The following GTF2IRD1 variants were observed in gnomAD, a reference collection of about 807,000 sequenced individuals.
The protein encoded by GTF2IRD1 is general transcription factor II-I repeat domain-containing protein 1.
A neutral mutation model predicts 113.2 loss-of-function variants in GTF2IRD1; 26 were observed. The observed-to-expected ratio is 0.23, with a 90% CI of 0.17 to 0.32. The LOEUF (loss-of-function observed/expected upper bound fraction) is 0.32, where lower values mean the gene tolerates loss of function less well. Among genes scored for constraint, GTF2IRD1 ranks in the 10% least tolerant of loss-of-function variants. The pLI is 1.00. For missense variants in GTF2IRD1, 864 were observed against 1,280.8 expected (o/e 0.67, Z 4.97); for synonymous variants, 484 against 529.1 (o/e 0.91, Z 1.17).
chr7:74,599,998 G>A (rs1450358058), intron 25 of GTF2IRD1, among the ~76,000 whole-genome samples: 2 of 152,228 alleles, frequency 1.3e-5, no homozygotes, highest in Non-Finnish European at 2.9e-5. Context: ...TAACAGCCCT[G>A]CCCCTTCGGG....
At chr7:74,468,487 A>G (rs186365577) in intron 1 of GTF2IRD1, among the ~76,000 whole-genome samples, 6 of 151,466 alleles carry the variant, frequency 4.0e-5, no homozygotes, top group African/African-American at 1.5e-4. Context: ...GTGAAACCCC[A>G]TCTCTACTAA....
intron 22 of GTF2IRD1, among the ~76,000 whole-genome samples, chr7:74,561,513 G>T (rs1554359076): frequency 6.6e-6 from 1 of 151,906 alleles, no homozygotes; most frequent in African/African-American, 2.4e-5. Context: ...ACTTTGAGAG[G>T]CAGAGAGGAG....
chr7:74,600,527 G>A (rs1348642590), intron 25 of GTF2IRD1, among the ~76,000 whole-genome samples: 2 of 152,220 alleles, frequency 1.3e-5, no homozygotes, highest in South Asian at 2.1e-4. Flanking sequence ...TGCCCAACAC[G>A]GTGAAACCCC....
intron 1 of GTF2IRD1, among the ~76,000 whole-genome samples, chr7:74,459,544 G>A (rs1015387353): frequency 1.3e-5 from 2 of 152,092 alleles, no homozygotes; most frequent in African/African-American, 4.8e-5. Flanking sequence ...CTTAGGGAGT[G>A]TCTCAGGCGG....
chr7:74,518,343 G>A (rs782154356), intron 5 of GTF2IRD1, 21 bp downstream of exon 5: 10 of 1,557,830 alleles, frequency 6.4e-6, no homozygotes, highest in South Asian at 5.8e-5. Flanking sequence ...TAGCCGGCCC[G>A]GGGCTGGGCT....
chr7:74,460,449 G>A (rs1413860919), intron 1 of GTF2IRD1, among the ~76,000 whole-genome samples: 1 of 150,598 alleles, frequency 6.6e-6, no homozygotes, highest in Non-Finnish European at 1.5e-5. Flanking sequence ...GTCTTGCGAT[G>A]TTGCCCAGGC....
At chr7:74,575,632 G>A (rs1466258644) in intron 22 of GTF2IRD1, among the ~76,000 whole-genome samples, 2 of 152,208 alleles carry the variant, frequency 1.3e-5, no homozygotes, top group Non-Finnish European at 2.9e-5. Flanking sequence ...AGAATGTGCT[G>A]ATATAAGCTG....
intron 22 of GTF2IRD1, among the ~76,000 whole-genome samples, chr7:74,568,957 TTGGATG>T (rs1800516385): frequency 2.0e-5 from 3 of 152,146 alleles, no homozygotes; most frequent in African/African-American, 7.2e-5. Context: ...TGTGGGGCAC[TTGGATG>T]ACGCATCTGT....
chr7:74,519,635 C>T lies in GTF2IRD1; in HGVS notation c.832C>T (p.Pro278Ser). ...GCTCAAGCAGGAAGCACCTTCCTGCCCCCTTGCCCCCAGCGACCTGGGCCT... is the reference window on the plus strand; with the variant it reads ...GCTCAAGCAGGAAGCACCTTCCTGCTCCCTTGCCCCCAGCGACCTGGGCCT... Reference protein sequence around the residue: ...RELKQEAPSCPLAPSDLGLSR... With the variant: ...RELKQEAPSCSLAPSDLGLSR... The change falls in exon 6 of 27, where the codon CCC (proline) becomes TCC (serine). Residue 278 changes from proline (P) to serine (S), a missense_variant. Pro to Ser is a moderately conservative substitution (Grantham distance 74). Transcript: ENST00000424337. 3.1e-6 allele frequency: 5 copies of T among 1,610,768 alleles called. No homozygotes were observed. Among genetic ancestry groups the T allele is most frequent in the South Asian group, 1.1e-5 (1 of 90,672 alleles).
At chr7:74,560,263 G>T (rs782223691) in intron 22 of GTF2IRD1, among the ~76,000 whole-genome samples, 26 of 151,988 alleles carry the variant, frequency 1.7e-4, no homozygotes, top group Non-Finnish European at 3.4e-4. Context: ...CAGTGCACCT[G>T]CTCCTCCTGA....
intron 1 of GTF2IRD1, among the ~76,000 whole-genome samples, chr7:74,504,558 C>A (rs1796203213): frequency 6.6e-6 from 1 of 151,812 alleles, no homozygotes; most frequent in East Asian, 1.9e-4. Flanking sequence ...ACAGCAAGGA[C>A]ACCAGCAAGG....
intron 1 of GTF2IRD1, among the ~76,000 whole-genome samples, chr7:74,473,140 AG>A (rs2117029101): frequency 6.6e-6 from 1 of 152,316 alleles, no homozygotes; most frequent in East Asian, 1.9e-4. Context: ...GTAACCCCCA[AG>A]CCTCATGATG....
At chr7:74,470,807 G>C (rs1284297107) in intron 1 of GTF2IRD1, among the ~76,000 whole-genome samples, 2 of 151,966 alleles carry the variant, frequency 1.3e-5, no homozygotes, top group Non-Finnish European at 2.9e-5. Flanking sequence ...GTTCATATGT[G>C]GGGTTTTTTT....
rs587652574 is a variant in GTF2IRD1, at chr7:74,521,857, C to T, written c.1006+560C>T. Among the ~76,000 whole-genome samples the T allele has an allele frequency of 2.3e-4, 35 of 152,250 alleles. No homozygotes were observed. In the South Asian group the frequency reaches 2.5e-3, roughly 11 times the overall value. On this transcript the variant is annotated intron_variant, in intron 7 of 26. Transcript: ENST00000424337. ...TCACAGTTTCTGGGGGTTGGGAATTCGGGACTGGCCGAGTTGGGCAGTGCT... is the reference window on the plus strand; with the variant it reads ...TCACAGTTTCTGGGGGTTGGGAATTTGGGACTGGCCGAGTTGGGCAGTGCT...
At chr7:74,532,420 G>C (rs1178583447) in intron 9 of GTF2IRD1, among the ~76,000 whole-genome samples, 1 of 152,148 alleles carries the variant, frequency 6.6e-6, no homozygotes, top group African/African-American at 2.4e-5. Flanking sequence ...CAGGCCTGGT[G>C]GTATGCACCT....
At chr7:74,532,560 C>T (rs1798026106) in intron 9 of GTF2IRD1, among the ~76,000 whole-genome samples, 1 of 152,052 alleles carries the variant, frequency 6.6e-6, no homozygotes, top group Admixed American at 6.6e-5. Context: ...TCTCTGAAAA[C>T]AATAATAAAA....
At position 74,524,169 on chromosome 7, in the gene GTF2IRD1, C is replaced by A; in HGVS notation, c.1090+15C>A. On this transcript the variant is annotated intron_variant, in intron 8 of 26. Coordinates refer to ENST00000424337, the MANE Select transcript of GTF2IRD1 (RefSeq NM_005685.4). ...CAGCAGATATGGTGAGTGGGCGGCG[C>A]GGCCCGCCGTGTGGCCCCAGCAGCC... 2 of 1,580,612 alleles carry A rather than the reference C, an allele frequency of 1.3e-6. No homozygotes were observed. The highest frequency in any genetic ancestry group is 1.7e-6 in the Non-Finnish European group (2 of 1,155,190).
At chr7:74,468,676 C>CTG (rs61694825) in intron 1 of GTF2IRD1, among the ~76,000 whole-genome samples, 8,109 of 129,320 alleles carry the variant, frequency 0.063, 255 homozygotes, top group South Asian at 0.11. Context: ...AAAAAAAAAA[C>CTG]TGTGTGTGTG....
intron 9 of GTF2IRD1, among the ~76,000 whole-genome samples, chr7:74,534,399 C>T (rs376381944): frequency 6.6e-6 from 1 of 152,208 alleles, no homozygotes; most frequent in African/African-American, 2.4e-5. Flanking sequence ...GTCAGGAGTT[C>T]GAGACCAGCC....
Sources: allele counts gnomAD v4.1 joint callset (sites outside exome capture counted in the v4.1 genomes callset), GRCh38; gene constraint gnomAD v4.1.1; transcripts MANE v1.5; gene names NCBI Gene and HGNC (gene_info 2026-07-23, HGNC 2026-07-21).